Variants in COL18A1 observed in about 807,000 individuals in gnomAD.
COL18A1 encodes collagen alpha-1(XVIII) chain.
COL18A1 carries 133 observed loss-of-function variants against 168.0 expected under a neutral mutation model. The ratio of observed to expected loss-of-function variants is 0.79; its 90% CI spans 0.69 to 0.91. COL18A1 has a LOEUF of 0.91. Among genes scored for constraint, COL18A1 ranks in the 40% least tolerant of loss-of-function variants. The probability of loss-of-function intolerance (pLI) is 0.00; values close to 1 mark genes in which losing one functional copy is unlikely to be tolerated. For synonymous variants in COL18A1, 949 were observed against 809.0 expected (o/e 1.17, Z -2.94); for missense variants, 2,126 against 1,925.4 (o/e 1.10, Z -1.95).
In COL18A1 at chr21:45,513,492, GC is replaced by G. The variant is rs1242889030; in HGVS notation, c.*1095del. 1.3e-5 allele frequency: 2 copies of G among 152,374 alleles called. No individual in the cohort carries two copies. The highest frequency in any genetic ancestry group is 3.9e-4 in the East Asian group (2 of 5,160). The allele number at this position is 152,374 out of a possible 1,614,324, so 9.4% of individuals were successfully genotyped here. A position where few individuals can be genotyped will look rare whatever the true frequency, so the allele number is the denominator to read the frequency against. On this transcript the variant is annotated 3_prime_UTR_variant, in exon 42 of 42. Coordinates refer to ENST00000651438, the MANE Select transcript of COL18A1 (RefSeq NM_001379500.1). ...CGGGTGAACAAAGCAGCCACGAGGT[GC>G]AACAAGGTCCTCTGTCAGTCACAGC... is the stretch of plus-strand genomic sequence containing the variant.
chr21:45,497,203 A>G, intron 31 of COL18A1, 111 bp downstream of exon 31: 1 of 786,472 alleles, frequency 1.3e-6, no homozygotes, highest in Non-Finnish European at 2.2e-6. Context: ...GCCCAAGGCC[A>G]GTGCTACACG....
Position 45,473,889 on chromosome 21 carries a change from A to C in COL18A1, c.652-6A>C, listed in dbSNP as rs759002395. 3 of 1,595,482 alleles carry C rather than the reference A, an allele frequency of 1.9e-6. No individual in the cohort carries two copies. Among genetic ancestry groups the C allele is most frequent in the Non-Finnish European group, 2.6e-6 (3 of 1,171,314 alleles). On this transcript the variant is annotated splice_polypyrimidine_tract_variant and splice_region_variant and intron_variant, in intron 3 of 41. Transcript: ENST00000651438. The surrounding 1 kb of genome is among the most constrained non-coding windows in gnomAD (Gnocchi z 4.0). ...GCTGGTGACCCCTTTCTCTGTCTGC[A>C]TTTAGGGGGTGATCGCTGAGCTGAA...
At chr21:45,414,151 C>T (rs1008510954) in intron 2 of COL18A1, among the ~76,000 whole-genome samples, 4 of 152,110 alleles carry the variant, frequency 2.6e-5, no homozygotes, top group African/African-American at 4.8e-5. Context: ...TGGCTCTGGC[C>T]GTCAATCAGC....
intron 2 of COL18A1, among the ~76,000 whole-genome samples, chr21:45,428,733 C>T (rs550196933): frequency 2.0e-5 from 3 of 152,258 alleles, no homozygotes; most frequent in Non-Finnish European, 4.4e-5. Context: ...GTTTCGGGCT[C>T]CTCTCACAAG....
chr21:45,406,738 G>T (rs1468570759), intron 2 of COL18A1, among the ~76,000 whole-genome samples: 3 of 152,244 alleles, frequency 2.0e-5, no homozygotes, highest in Non-Finnish European at 4.4e-5. Flanking sequence ...AAGGAAAGAC[G>T]CTGGGGCCCA....
chr21:45,491,319 G>A lies in COL18A1; in HGVS notation c.2157+5G>A. The A allele has an allele frequency of 6.2e-7, 1 of 1,608,712 alleles. No homozygotes were observed. Among genetic ancestry groups the A allele is most frequent in the South Asian group, 1.1e-5 (1 of 90,904 alleles). ...GTCTACGTGTCGGAGCAGGACGTAA[G>A]GACGCTGCGTGGGTGGGCACCCAAT... is the stretch of plus-strand genomic sequence containing the variant. On this transcript the variant is annotated splice_donor_5th_base_variant and intron_variant, in intron 22 of 41. Transcript: ENST00000651438.
rs2036133500 is a variant in COL18A1 at position 45,486,913 on chromosome 21, C to T, written c.1754C>T (p.Ala585Val). 2 of 1,523,186 alleles carry T rather than the reference C, an allele frequency of 1.3e-6. No homozygotes were observed. Among genetic ancestry groups the T allele is most frequent in the Non-Finnish European group, 1.8e-6 (2 of 1,136,172 alleles). The allele number at this position is 1,523,186 out of a possible 1,614,324, so 94.4% of individuals were successfully genotyped here. The change falls in exon 16 of 42, where the codon GCA (alanine) becomes GTA (valine). Residue 585 changes from alanine (A) to valine (V), a missense_variant. Coordinates refer to ENST00000651438, the MANE Select transcript of COL18A1 (RefSeq NM_001379500.1). ...PAGARGESGL[A>V]GAPGPAGPPG... is the part of the protein sequence containing the mutation. Reference sequence around the variant, plus strand: ...GGTGCTCGTGGGGAGAGCGGCCTGGCAGGAGCCCCCGGACCTGCTGGACCA... The same window carrying T: ...GGTGCTCGTGGGGAGAGCGGCCTGGTAGGAGCCCCCGGACCTGCTGGACCA...
intron 2 of COL18A1, among the ~76,000 whole-genome samples, chr21:45,467,593 G>A (rs576472686): frequency 1.4e-4 from 22 of 152,212 alleles, no homozygotes; most frequent in Non-Finnish European, 2.8e-4. Context: ...CAGATGCCAC[G>A]TGGAACCCCA....
At chr21:45,484,254 T>C (rs1312770402) in intron 15 of COL18A1, among the ~76,000 whole-genome samples, 3 of 144,422 alleles carry the variant, frequency 2.1e-5, no homozygotes, top group East Asian at 4.3e-4. Flanking sequence ...CTCCAGCATA[T>C]GTGCACACAC....
intron 8 of COL18A1, 120 bp downstream of exon 8, chr21:45,478,085 C>T (rs1388948093): frequency 8.2e-6 from 6 of 735,084 alleles, no homozygotes; most frequent in Non-Finnish European, 1.4e-5. Context: ...AGGTCAGCAG[C>T]CTCCTTAGGC....
chr21:45,466,452 A>AGGTT (rs2035215698), intron 2 of COL18A1, among the ~76,000 whole-genome samples: 1 of 152,158 alleles, frequency 6.6e-6, no homozygotes, highest in Non-Finnish European at 1.5e-5. Context: ...ATACCCAGGA[A>AGGTT]GGTTGAGCTC....
intron 15 of COL18A1, among the ~76,000 whole-genome samples, chr21:45,486,076 C>T (rs1480613240): frequency 2.0e-5 from 3 of 152,240 alleles, no homozygotes; most frequent in Non-Finnish European, 4.4e-5. Flanking sequence ...CCACACCGGG[C>T]TCTCACCTCA....
chr21:45,423,981 A>T lies in COL18A1; in HGVS notation c.106+18508A>T, dbSNP rs985419553. 15 of 152,332 alleles carry T rather than the reference A, an allele frequency of 9.8e-5. No individual in the cohort carries two copies. The highest frequency in any genetic ancestry group is 1.8e-4 in the Non-Finnish European group (12 of 68,110). The allele number at this position is 152,332 out of a possible 1,614,324, so 9.4% of individuals were successfully genotyped here. ...TGCCTCCCAGTGAATTCTGATGCAC[A>T]GACAGGGGCCTGTCCTGCCAGCAGG... On this transcript the variant is annotated intron_variant, in intron 2 of 41. Transcript: ENST00000651438. The surrounding 1 kb of genome is among the most constrained non-coding windows in gnomAD (Gnocchi z 4.0).
chr21:45,461,589 GC>G (rs1389908714), intron 2 of COL18A1, among the ~76,000 whole-genome samples: 4 of 150,876 alleles, frequency 2.7e-5, no homozygotes, highest in Non-Finnish European at 5.9e-5. Context: ...AGGCTGCTGG[GC>G]CCCCCTCGAG....
At chr21:45,503,731 A>G (rs2146065449) in intron 32 of COL18A1, among the ~76,000 whole-genome samples, 1 of 152,104 alleles carries the variant, frequency 6.6e-6, no homozygotes, top group African/African-American at 2.4e-5. Context: ...GCACATGTAT[A>G]CATATGTAAC....
intron 32 of COL18A1, among the ~76,000 whole-genome samples, chr21:45,503,164 T>C (rs2036956471): frequency 6.6e-6 from 1 of 152,236 alleles, no homozygotes; most frequent in Non-Finnish European, 1.5e-5. Context: ...CCACAATGGT[T>C]GAACTAGTTT....
chr21:45,428,053 G>A (rs1200480186), intron 2 of COL18A1, among the ~76,000 whole-genome samples: 2 of 152,204 alleles, frequency 1.3e-5, no homozygotes, highest in African/African-American at 2.4e-5. Context: ...CGCCGGCCAA[G>A]GCCCGTCGGC....
intron 2 of COL18A1, among the ~76,000 whole-genome samples, chr21:45,441,196 C>G (rs1251776210): frequency 6.6e-6 from 1 of 152,218 alleles, no homozygotes; most frequent in Non-Finnish European, 1.5e-5. Flanking sequence ...CCACAGCTCC[C>G]CTACACACAG....
intron 6 of COL18A1, among the ~76,000 whole-genome samples, chr21:45,476,749 T>G (rs1033577553): frequency 6.6e-6 from 1 of 151,804 alleles, no homozygotes; most frequent in Non-Finnish European, 1.5e-5. Flanking sequence ...GGCATGTGTG[T>G]GTGCAGTGTG....
Sources: allele counts gnomAD v4.1 joint callset (sites outside exome capture counted in the v4.1 genomes callset), GRCh38; gene constraint gnomAD v4.1.1; non-coding constraint Gnocchi (gnomAD v3.1); transcripts MANE v1.5; gene names NCBI Gene and HGNC (gene_info 2026-07-23, HGNC 2026-07-21).